The following CACNA2D3 variants were observed in gnomAD, a reference collection of about 807,000 sequenced individuals.
The protein encoded by CACNA2D3 is calcium voltage-gated channel auxiliary subunit alpha2delta 3.
CACNA2D3 carries 60 observed loss-of-function variants against 160.6 expected under a neutral mutation model. That is an observed-to-expected ratio of 0.37 (90% CI 0.30 to 0.46). CACNA2D3 has a LOEUF of 0.46. Ranked by LOEUF, CACNA2D3 falls within the 20% of genes least tolerant of loss-of-function variation. CACNA2D3 has a pLI of 1.00. For synonymous variants in CACNA2D3, 558 were observed against 492.9 expected, an observed-to-expected ratio of 1.13 and a Z score of -1.75; for missense variants, 1,205 against 1,365.0, an observed-to-expected ratio of 0.88 and a Z score of 1.85.
At chr3:54,901,282 T>C (rs895508988) in intron 27 of CACNA2D3, 4 of 152,218 alleles carry the variant, frequency 2.6e-5, no homozygotes, top group African/African-American at 4.8e-5. Context: ...GAAATTTCTT[T>C]TTAAAACCCT....
chr3:54,197,496 A>T (rs1576992988), intron 2 of CACNA2D3: 1 of 152,258 alleles, frequency 6.6e-6, no homozygotes, highest in Admixed American at 6.5e-5. Context: ...ATAGTAGCAG[A>T]ACTTATTCGA....
intron 4 of CACNA2D3, among the ~76,000 whole-genome samples, chr3:54,424,657 G>A (rs1002322890): frequency 1.3e-5 from 2 of 152,182 alleles, no homozygotes; most frequent in Non-Finnish European, 2.9e-5. Flanking sequence ...CTCTGGGGAT[G>A]GAGCAAGTGG....
intron 18 of CACNA2D3, among the ~76,000 whole-genome samples, chr3:54,877,914 G>A (rs1234437962): frequency 6.6e-6 from 1 of 152,128 alleles, no homozygotes; most frequent in Non-Finnish European, 1.5e-5. Flanking sequence ...GACTTAATTA[G>A]GACCAGCTCT....
chr3:54,571,810 C>A (rs1702503523), intron 8 of CACNA2D3, among the ~76,000 whole-genome samples: 1 of 152,150 alleles, frequency 6.6e-6, no homozygotes, highest in African/African-American at 2.4e-5. Context: ...ACCACATATG[C>A]TGTGTGTCTT....
chr3:54,503,410 A>G, intron 4 of CACNA2D3, 82 bp from the exon 5 acceptor site: 2 of 1,241,256 alleles, frequency 1.6e-6, no homozygotes, highest in Non-Finnish European at 2.3e-6. Context: ...AAGGGATGGC[A>G]CATGGCCTGT....
intron 2 of CACNA2D3, among the ~76,000 whole-genome samples, chr3:54,148,402 A>T (rs890736938): frequency 1.3e-5 from 2 of 152,184 alleles, no homozygotes; most frequent in Non-Finnish European, 2.9e-5. Context: ...AGACCTCAAA[A>T]AGGTGACTGT....
chr3:54,897,963 A>G (rs933337534), intron 26 of CACNA2D3, among the ~76,000 whole-genome samples: 3 of 152,042 alleles, frequency 2.0e-5, no homozygotes, highest in Admixed American at 6.6e-5. Context: ...TTCAGGTCTA[A>G]GGTTCTTTGG....
chr3:54,637,184 C>T (rs771530731), intron 10 of CACNA2D3, among the ~76,000 whole-genome samples: 2 of 151,818 alleles, frequency 1.3e-5, no homozygotes, highest in African/African-American at 2.4e-5. Context: ...CTGTAGCAGA[C>T]GAGTGATAAC....
rs771363813 is a variant in CACNA2D3, at chr3:54,899,847, C to T, written c.2428C>T (p.Arg810Trp). The change falls in exon 27 of 38, where the codon CGG (arginine) becomes TGG (tryptophan). Residue 810 changes from arginine (R) to tryptophan (W), a missense_variant. Arg to Trp is a moderately radical substitution (Grantham distance 101). Transcript: ENST00000474759. Reference sequence around the variant, plus strand: ...TACATCCATCCAGCTCCTGGATGAACGGAAATCTCCTGTGGTGGCAGGTAA... The same window carrying T: ...TACATCCATCCAGCTCCTGGATGAATGGAAATCTCCTGTGGTGGCAGGTAA... ...ASTSIQLLDE[R>W]KSPVVAAVGI... The T allele has an allele frequency of 8.0e-5, 129 of 1,604,270 alleles. No individual in the cohort carries two copies. Among genetic ancestry groups the T allele is most frequent in the Middle Eastern group, 1.7e-4 (1 of 6,048 alleles).
At chr3:54,989,594 T>A (rs191671915) in intron 31 of CACNA2D3, among the ~76,000 whole-genome samples, 1 of 152,304 alleles carries the variant, frequency 6.6e-6, no homozygotes, top group East Asian at 1.9e-4. Context: ...TTAGTCAGAT[T>A]ACCTCTCCAA....
At chr3:54,956,346 G>A (rs1336186827) in intron 27 of CACNA2D3, among the ~76,000 whole-genome samples, 1 of 152,226 alleles carries the variant, frequency 6.6e-6, no homozygotes, top group Non-Finnish European at 1.5e-5. Context: ...GGAAAAGAAA[G>A]TGATGGTCTT....
At chr3:54,508,499 C>A (rs549708013) in intron 5 of CACNA2D3, among the ~76,000 whole-genome samples, 1 of 152,290 alleles carries the variant, frequency 6.6e-6, no homozygotes, top group African/African-American at 2.4e-5. Context: ...CAGCAGGATA[C>A]CCAGCACATG....
chr3:55,059,789 G>A (rs893017653), intron 35 of CACNA2D3, among the ~76,000 whole-genome samples: 2 of 152,072 alleles, frequency 1.3e-5, no homozygotes, highest in Non-Finnish European at 2.9e-5. Context: ...GATGGATTGG[G>A]GGGTGGAAAG....
At chr3:54,212,315 A>C (rs1701389218) in intron 2 of CACNA2D3, among the ~76,000 whole-genome samples, 1 of 152,150 alleles carries the variant, frequency 6.6e-6, no homozygotes. Context: ...GGGCAAGACA[A>C]CTCGAAGTGG....
chr3:54,389,280 G>C (rs1478183114), intron 4 of CACNA2D3, among the ~76,000 whole-genome samples: 1 of 147,696 alleles, frequency 6.8e-6, no homozygotes. Flanking sequence ...GGGCAACAAA[G>C]AGCGAAACTC....
At chr3:54,215,650 T>C (rs1422786259) in intron 2 of CACNA2D3, among the ~76,000 whole-genome samples, 2 of 152,200 alleles carry the variant, frequency 1.3e-5, no homozygotes, top group Non-Finnish European at 1.5e-5. Flanking sequence ...CCATGCATCC[T>C]TTACTTTTTA....
At chr3:54,736,110 T>C (rs1208032933) in intron 11 of CACNA2D3, among the ~76,000 whole-genome samples, 1 of 18,162 alleles carries the variant, frequency 5.5e-5, no homozygotes, top group African/African-American at 1.5e-4. Context: ...CATATATATG[T>C]ATATATATAC....
chr3:54,972,013 A>T (rs557388225), intron 29 of CACNA2D3, among the ~76,000 whole-genome samples: 5 of 152,076 alleles, frequency 3.3e-5, no homozygotes, highest in Non-Finnish European at 5.9e-5. Context: ...TTAAAAAAAA[A>T]CAAACTCTGA....
chr3:54,457,194 ATTG>A (rs1435930995), intron 4 of CACNA2D3, among the ~76,000 whole-genome samples: 1 of 151,774 alleles, frequency 6.6e-6, no homozygotes, highest in Non-Finnish European at 1.5e-5. Context: ...GTATGCATTT[ATTG>A]TTATAAACTT....
Sources: allele counts gnomAD v4.1 joint callset (sites outside exome capture counted in the v4.1 genomes callset), GRCh38; gene constraint gnomAD v4.1.1; transcripts MANE v1.5; gene names NCBI Gene and HGNC (gene_info 2026-07-23, HGNC 2026-07-21).